TSHR: variants seen among roughly 807,000 people sequenced by gnomAD.
TSHR encodes thyrotropin receptor.
TSHR carries 51 observed loss-of-function variants against 64.1 expected under a neutral mutation model. The ratio of observed to expected loss-of-function variants is 0.80; its 90% CI spans 0.64 to 1.01. TSHR has a LOEUF of 1.01. Ranked by LOEUF, TSHR falls within the 50% of genes least tolerant of loss-of-function variation. The probability of loss-of-function intolerance (pLI) is 0.00; values close to 1 mark genes in which losing one functional copy is unlikely to be tolerated. For synonymous variants in TSHR, 361 were observed against 361.9 expected (o/e 1.00, Z 0.03); for missense variants, 877 against 942.8 (o/e 0.93, Z 0.91).
intron 8 of TSHR, among the ~76,000 whole-genome samples, chr14:81,122,990 G>A (rs1383158069): frequency 1.3e-5 from 2 of 152,122 alleles, no homozygotes; most frequent in African/African-American, 4.8e-5. Flanking sequence ...AGCTAGGCGC[G>A]GTGGCAGGCG....
intron 1 of TSHR, chr14:80,992,231 C>G (rs1416311295): frequency 6.6e-6 from 1 of 152,124 alleles, no homozygotes; most frequent in Non-Finnish European, 1.5e-5. Context: ...GAAACCCTGT[C>G]TCTACTAAAA....
intron 1 of TSHR, among the ~76,000 whole-genome samples, chr14:80,996,362 T>C (rs2139750126): frequency 6.6e-6 from 1 of 152,308 alleles, no homozygotes; most frequent in Non-Finnish European, 1.5e-5. Flanking sequence ...TTATCTGATA[T>C]GATGCCACAG....
intron 1 of TSHR, chr14:80,981,992 C>T: frequency 2.9e-6 from 1 of 339,476 alleles, no homozygotes. Flanking sequence ...TCAACCATGA[C>T]TGGGACTAAG....
intron 1 of TSHR, among the ~76,000 whole-genome samples, chr14:81,060,811 T>C (rs1332363657): frequency 2.6e-5 from 4 of 152,136 alleles, no homozygotes; most frequent in Non-Finnish European, 5.9e-5. Context: ...CTAAGTAGTA[T>C]GCTGAGGCAT....
In TSHR at chr14:81,144,676, T is replaced by C. The variant is rs1282202848; in HGVS notation, c.*323T>C. 1 of 373,690 alleles carries C rather than the reference T, an allele frequency of 2.7e-6. No homozygotes were observed. The highest frequency in any genetic ancestry group is 4.9e-6 in the Non-Finnish European group (1 of 204,730). 23.1% of individuals were successfully genotyped at this position (373,690 alleles called of 1,614,324 possible). On this transcript the variant is annotated 3_prime_UTR_variant, in exon 10 of 10. Transcript: ENST00000298171. Reference sequence around the variant, plus strand: ...TGTTCAGTAAATATTAACTGAGCTATGTCAATATAGAGCTTCTCAGTTTTG... The same window carrying C: ...TGTTCAGTAAATATTAACTGAGCTACGTCAATATAGAGCTTCTCAGTTTTG...
chr14:80,982,528 G>A, intron 1 of TSHR: 1 of 1,010,162 alleles, frequency 9.9e-7, no homozygotes, highest in Non-Finnish European at 1.4e-6. Context: ...GTTTTGGGAA[G>A]GAGATGATGC....
At chr14:81,029,189 C>G (rs1055346530) in intron 1 of TSHR, among the ~76,000 whole-genome samples, 14 of 151,976 alleles carry the variant, frequency 9.2e-5, no homozygotes, top group Non-Finnish European at 1.9e-4. Flanking sequence ...ACTCCCTTTT[C>G]CCATGTAAAA....
chr14:80,979,052 A>G (rs746114800), intron 1 of TSHR, among the ~76,000 whole-genome samples: 3 of 152,234 alleles, frequency 2.0e-5, no homozygotes, highest in Non-Finnish European at 4.4e-5. Flanking sequence ...TCCAAAGGTG[A>G]CATTATTATC....
intron 2 of TSHR, 139 bp downstream of exon 2, chr14:81,062,358 G>A (rs527654559): frequency 1.6e-6 from 1 of 606,910 alleles, no homozygotes; most frequent in Non-Finnish European, 2.8e-6. Flanking sequence ...ACAATTTTAT[G>A]TACATGATTT....
chr14:81,074,727 T>C (rs1244061069), intron 3 of TSHR, among the ~76,000 whole-genome samples: 1 of 152,224 alleles, frequency 6.6e-6, no homozygotes, highest in Non-Finnish European at 1.5e-5. Flanking sequence ...AAAGCTCCAA[T>C]GAGGACTACA....
At chr14:80,989,174 A>G (rs1217937616) in intron 1 of TSHR, among the ~76,000 whole-genome samples, 1 of 152,120 alleles carries the variant, frequency 6.6e-6, no homozygotes, top group African/African-American at 2.4e-5. Flanking sequence ...CCTTGAAATG[A>G]CCCACACTTC....
At chr14:81,108,765 G>T in intron 8 of TSHR, 1 of 1,604,272 alleles carries the variant, frequency 6.2e-7, no homozygotes. Context: ...ATTTTGAAAT[G>T]CAAGATCCAC....
chr14:80,981,978 G>A (rs2139723006), intron 1 of TSHR: 2 of 323,562 alleles, frequency 6.2e-6, no homozygotes, highest in East Asian at 1.3e-4. Context: ...CAAGTAACTG[G>A]GCTTCAACCA....
chr14:81,040,217 AGAAGAGTCTC>A (rs1228459819), intron 1 of TSHR, among the ~76,000 whole-genome samples: 1 of 152,018 alleles, frequency 6.6e-6, no homozygotes, highest in Non-Finnish European at 1.5e-5. Context: ...CATTGGGGAA[AGAAGAGTCTC>A]TTCAAAAAAT....
chr14:80,963,479 GA>G lies in TSHR; in HGVS notation c.170+7637del, dbSNP rs955190793. ...ACAACAACAAAAAACAGATTGACAAGAAAAAAAACATTAAACAACTATTAAA... is the reference window on the plus strand; with the variant it reads ...ACAACAACAAAAAACAGATTGACAAGAAAAAAACATTAAACAACTATTAAA... On this transcript the variant is annotated intron_variant, in intron 1 of 9. Transcript: ENST00000298171. 2.0e-5 allele frequency among the ~76,000 whole-genome samples: 3 copies of G among 151,500 alleles called. No individual in the cohort carries two copies. The East Asian group carries it at 5.8e-4, about 29-fold the overall frequency.
intron 1 of TSHR, among the ~76,000 whole-genome samples, chr14:81,028,428 C>G (rs1884181121): frequency 6.6e-6 from 1 of 151,792 alleles, no homozygotes; most frequent in South Asian, 2.1e-4. Flanking sequence ...TTTGGCAGCA[C>G]TATAGGGCTA....
chr14:80,963,983 T>A (rs1332809790), intron 1 of TSHR, among the ~76,000 whole-genome samples: 2 of 152,208 alleles, frequency 1.3e-5, no homozygotes, highest in African/African-American at 4.8e-5. Context: ...TACTAATAGA[T>A]CTTCCTATTA....
intron 1 of TSHR, among the ~76,000 whole-genome samples, chr14:81,038,360 A>G (rs539673105): frequency 6.6e-6 from 1 of 152,074 alleles, no homozygotes; most frequent in South Asian, 2.1e-4. Flanking sequence ...GTTTATAGCA[A>G]TAAACACCTA....
chr14:81,119,548 T>C (rs1407865875), intron 8 of TSHR, among the ~76,000 whole-genome samples: 3 of 128,256 alleles, frequency 2.3e-5, no homozygotes. Context: ...GGAGAGGATG[T>C]GGAGAAATAG....
Sources: allele counts gnomAD v4.1 joint callset (sites outside exome capture counted in the v4.1 genomes callset), GRCh38; gene constraint gnomAD v4.1.1; transcripts MANE v1.5; gene names NCBI Gene and HGNC (gene_info 2026-07-23, HGNC 2026-07-21).